Variants in ANTXR1 observed in about 807,000 individuals in gnomAD.
The protein encoded by ANTXR1 is anthrax toxin receptor 1.
A neutral mutation model predicts 78.1 loss-of-function variants in ANTXR1; 19 were observed. The ratio of observed to expected loss-of-function variants is 0.24; its 90% confidence interval spans 0.17 to 0.36. ANTXR1 has a LOEUF of 0.36. ANTXR1 is among the 10% of genes least tolerant of loss of function. ANTXR1 has a pLI of 1.00. For missense variants in ANTXR1, 518 were observed against 718.6 expected, an observed-to-expected ratio of 0.72 and a Z score of 3.19; for synonymous variants, 273 against 260.5, an observed-to-expected ratio of 1.05 and a Z score of -0.46.
chr2:69,037,804 C>T lies in ANTXR1; in HGVS notation c.153-2240C>T, dbSNP rs192235710. ...TTGAATGAAGAGTTGCTTGCCACTG[C>T]GGACAATGAGTATCCCAAGCAGATG... On this transcript the variant is annotated intron_variant, in intron 1 of 17. Coordinates refer to ENST00000303714, the MANE Select transcript of ANTXR1 (RefSeq NM_032208.3). 1.1e-4 allele frequency among the ~76,000 whole-genome samples: 16 copies of T among 152,160 alleles called. No individual in the cohort carries two copies. In the East Asian group the frequency reaches 1.4e-3, roughly 13 times the overall value.
At chr2:69,207,534 T>C (rs1044142345) in intron 17 of ANTXR1, among the ~76,000 whole-genome samples, 1 of 152,110 alleles carries the variant, frequency 6.6e-6, no homozygotes, top group South Asian at 2.1e-4. Context: ...TCTGTGGAGA[T>C]CAGAGGATAA....
intron 17 of ANTXR1, among the ~76,000 whole-genome samples, chr2:69,204,601 T>A (rs983553066): frequency 5.3e-5 from 8 of 152,152 alleles, no homozygotes; most frequent in African/African-American, 1.9e-4. Flanking sequence ...ACAAAGAGTG[T>A]TGGTGGAAAT....
intron 14 of ANTXR1, among the ~76,000 whole-genome samples, chr2:69,173,077 AAC>A (rs1457187431): frequency 6.6e-6 from 1 of 152,180 alleles, no homozygotes; most frequent in East Asian, 1.9e-4. Context: ...GCCTGCAAAA[AAC>A]AGAGACCAGT....
At chr2:69,120,711 A>G (rs4477955) in intron 10 of ANTXR1, among the ~76,000 whole-genome samples, 45,076 of 151,916 alleles carry the variant, frequency 0.3, 7,965 homozygotes, top group African/African-American at 0.49. Flanking sequence ...TTTAGGTACT[A>G]CATGATCCTA....
At chr2:69,163,284 T>C (rs547932537) in intron 13 of ANTXR1, among the ~76,000 whole-genome samples, 4 of 149,792 alleles carry the variant, frequency 2.7e-5, no homozygotes, top group African/African-American at 9.9e-5. Context: ...TTTCAGCTTT[T>C]GTTGTGTTGC....
rs755464562 is a variant in ANTXR1 at position 69,013,604 on chromosome 2, G to A, written c.105G>A (p.Gly35=). The A allele has an allele frequency of 9.6e-6, 15 of 1,560,896 alleles. No homozygotes were observed. The highest frequency in any genetic ancestry group is 1.3e-5 in the Non-Finnish European group (15 of 1,151,510). Residue 35 remains glycine, a synonymous_variant, in exon 1 of 18, where the codon GGG becomes GGA. Coordinates refer to ENST00000303714, the MANE Select transcript of ANTXR1 (RefSeq NM_032208.3). This position sits in a 1 kb window ranked among gnomAD's most constrained non-coding sequence, Gnocchi z 5.0. ...CAGQGGRRED[G]GPACYGGFDL... ...GGCAAGGGGGACGCAGGGAGGATGG[G>A]GGTCCAGCCTGCTACGGCGGATTTG...
At chr2:69,164,455 C>T (rs1182093342) in intron 13 of ANTXR1, among the ~76,000 whole-genome samples, 3 of 152,202 alleles carry the variant, frequency 2.0e-5, no homozygotes, top group Non-Finnish European at 2.9e-5. Flanking sequence ...TTTTCAGGAA[C>T]ACACACTCAT....
intron 10 of ANTXR1, among the ~76,000 whole-genome samples, chr2:69,117,183 A>C (rs1478436842): frequency 6.6e-6 from 1 of 152,220 alleles, no homozygotes. Context: ...GATCTTGGCC[A>C]TGTGCCTCCA....
intron 16 of ANTXR1, among the ~76,000 whole-genome samples, chr2:69,183,754 T>G (rs1167885575): frequency 6.6e-6 from 1 of 152,024 alleles, no homozygotes; most frequent in African/African-American, 2.4e-5. Context: ...CAAATGGCTT[T>G]GAATTCACAT....
At chr2:69,204,479 C>T (rs761270435) in intron 17 of ANTXR1, among the ~76,000 whole-genome samples, 5 of 152,092 alleles carry the variant, frequency 3.3e-5, no homozygotes, top group Non-Finnish European at 2.9e-5. Context: ...GAGAGATTCC[C>T]GAGCCCTCCC....
intron 10 of ANTXR1, among the ~76,000 whole-genome samples, chr2:69,109,966 C>T (rs538274598): frequency 1.3e-5 from 2 of 151,644 alleles, no homozygotes; most frequent in South Asian, 4.2e-4. Flanking sequence ...TTCCTAAAAT[C>T]GGTTAAAAAA....
Position 69,182,556 on chromosome 2 carries a change from A to G in ANTXR1, c.1249A>G (p.Arg417Gly). 6.2e-7 allele frequency: 1 copy of G among 1,614,252 alleles called. No individual in the cohort carries two copies. Among genetic ancestry groups the G allele is most frequent in the Non-Finnish European group, 8.5e-7 (1 of 1,180,040 alleles). ...TAAGTTGGAAAAGGCAAAGAATGCA[A>G]GAGTCAAGATGCCGGAGCAGGAATA... is the stretch of plus-strand genomic sequence containing the variant. ...GAKLEKAKNA[R>G]VKMPEQEYEF... Residue 417 changes from arginine to glycine, a missense_variant, in exon 16 of 18, where the codon AGA becomes GGA. Physicochemically the swap from Arg to Gly is moderately radical, Grantham distance 125. Coordinates refer to ENST00000303714, the MANE Select transcript of ANTXR1 (RefSeq NM_032208.3).
At chr2:69,026,419 C>T (rs1671347064) in intron 1 of ANTXR1, among the ~76,000 whole-genome samples, 1 of 152,208 alleles carries the variant, frequency 6.6e-6, no homozygotes, top group South Asian at 2.1e-4. Context: ...GCGTTGGCCA[C>T]ACTGGAAATG....
At chr2:69,098,980 C>A (rs924053778) in intron 9 of ANTXR1, among the ~76,000 whole-genome samples, 2 of 73,240 alleles carry the variant, frequency 2.7e-5, no homozygotes, top group Admixed American at 3.8e-4. Context: ...AGTGAGACTG[C>A]GTCTAAATAA....
In ANTXR1 at chr2:69,110,587, G is replaced by A. The variant is rs909802867; in HGVS notation, c.802+7647G>A. Among the ~76,000 whole-genome samples, 4 of 152,170 alleles carry A rather than the reference G, an allele frequency of 2.6e-5. No homozygotes were observed. In the East Asian group the frequency reaches 7.7e-4, roughly 29 times the overall value. ...ATAAGTTACAAAACAGGCCGGGCGC[G>A]GTGGCTCACGCCTGTAATCCCAGCA... On this transcript the variant is annotated intron_variant, in intron 10 of 17. Coordinates refer to ENST00000303714, the MANE Select transcript of ANTXR1 (RefSeq NM_032208.3).
chr2:69,107,630 T>G (rs1039031507), intron 10 of ANTXR1, among the ~76,000 whole-genome samples: 4 of 152,072 alleles, frequency 2.6e-5, no homozygotes, highest in African/African-American at 9.7e-5. Context: ...TAGACAATAT[T>G]TGAGATCAAG....
chr2:69,020,371 A>G (rs569107557), intron 1 of ANTXR1, among the ~76,000 whole-genome samples: 1 of 151,934 alleles, frequency 6.6e-6, no homozygotes, highest in African/African-American at 2.4e-5. Context: ...TATGGGTCAA[A>G]AATAAAAATA....
chr2:69,209,397 C>T (rs1674984362), intron 17 of ANTXR1, among the ~76,000 whole-genome samples: 1 of 152,228 alleles, frequency 6.6e-6, no homozygotes, highest in Non-Finnish European at 1.5e-5. Flanking sequence ...TTACAGAGGG[C>T]TCGAGTGCCT....
chr2:69,153,725 G>A (rs1673457893), intron 13 of ANTXR1, among the ~76,000 whole-genome samples: 1 of 152,200 alleles, frequency 6.6e-6, no homozygotes, highest in Non-Finnish European at 1.5e-5. Flanking sequence ...CCTTACAGTG[G>A]GTTCTTAAAG....
Sources: gnomAD v4.1 joint callset for allele counts (sites outside exome capture counted in the v4.1 genomes callset) on GRCh38, gnomAD v4.1.1 for gene constraint, Gnocchi (gnomAD v3.1) non-coding constraint, MANE v1.5 for transcripts, NCBI Gene and HGNC (gene_info 2026-07-23, HGNC 2026-07-21) for gene names.